Variants in SELENOI observed in about 807,000 individuals in gnomAD.
SELENOI encodes the protein selenoprotein I.
A neutral mutation model predicts 50.7 loss-of-function variants in SELENOI; 24 were observed. The observed-to-expected ratio is 0.47, with a 90% CI of 0.34 to 0.67. The LOEUF (loss-of-function observed/expected upper bound fraction) is 0.67, where lower values mean the gene tolerates loss of function less well. Ranked by LOEUF, SELENOI falls within the 30% of genes least tolerant of loss-of-function variation. SELENOI has a pLI of 0.01. For missense variants in SELENOI, 352 were observed against 461.4 expected, an observed-to-expected ratio of 0.76 and a Z score of 2.17; for synonymous variants, 155 against 170.2, an observed-to-expected ratio of 0.91 and a Z score of 0.70.
At chr2:26,365,424 C>T (rs915328596) in intron 3 of SELENOI, among the ~76,000 whole-genome samples, 5 of 152,222 alleles carry the variant, frequency 3.3e-5, no homozygotes, top group Admixed American at 2.6e-4. Flanking sequence ...AGCCAGTGGT[C>T]AGCCTGCTCC....
chr2:26,355,787 C>G (rs1376065757), intron 1 of SELENOI, among the ~76,000 whole-genome samples: 2 of 151,192 alleles, frequency 1.3e-5, no homozygotes, highest in Non-Finnish European at 2.9e-5. Context: ...GTTGCTTAGG[C>G]TGGAGTGCAG....
intron 1 of SELENOI, among the ~76,000 whole-genome samples, chr2:26,354,824 C>T (rs1677033719): frequency 6.6e-6 from 1 of 152,144 alleles, no homozygotes; most frequent in African/African-American, 2.4e-5. Flanking sequence ...TTTACTCTTT[C>T]CCTGGTTTAA....
Position 26,367,195 on chromosome 2 carries a change from C to T in SELENOI, c.285C>T (p.Ile95=), listed in dbSNP as rs748596576. 2 of 1,610,594 alleles carry T rather than the reference C, an allele frequency of 1.2e-6. No individual in the cohort carries two copies. The highest frequency in any genetic ancestry group is 3.4e-5 in the Admixed American group (2 of 59,546). ...VPDWVWIVVG[I]LNFVAYTLDG... ...ACTGGGTTTGGATTGTAGTGGGCAT[C>T]CTCAACTTCGTAGCCTACACTCTAG... Residue 95 remains isoleucine, a synonymous_variant, in exon 4 of 10, where the codon ATC becomes ATT. Coordinates refer to ENST00000260585, the MANE Select transcript of SELENOI (RefSeq NM_033505.4).
At chr2:26,363,140 A>G (rs1282143596) in intron 1 of SELENOI, among the ~76,000 whole-genome samples, 1 of 152,226 alleles carries the variant, frequency 6.6e-6, no homozygotes, top group African/African-American at 2.4e-5. Context: ...CCTGCTATAC[A>G]GGGATCTGTC....
chr2:26,387,328 C>G (rs759351339), intron 9 of SELENOI, among the ~76,000 whole-genome samples: 4 of 152,160 alleles, frequency 2.6e-5, no homozygotes, highest in Middle Eastern at 3.4e-3. Flanking sequence ...AAGGAGATTA[C>G]TTAATAATGA....
chr2:26,370,276 C>T (rs2147953022), intron 4 of SELENOI, among the ~76,000 whole-genome samples: 1 of 151,926 alleles, frequency 6.6e-6, no homozygotes, highest in Non-Finnish European at 1.5e-5. Context: ...ACAGACACGG[C>T]AACCATCCGA....
chr2:26,346,456 G>C, intron 1 of SELENOI, 167 bp downstream of exon 1: 1 of 824,056 alleles, frequency 1.2e-6, no homozygotes, highest in Non-Finnish European at 1.8e-6. Context: ...GTCGGGGAGC[G>C]TGGGAGCATC....
intron 1 of SELENOI, among the ~76,000 whole-genome samples, chr2:26,356,114 G>GGTTAA (rs1445940258): frequency 6.6e-6 from 1 of 152,030 alleles, no homozygotes; most frequent in East Asian, 1.9e-4. Flanking sequence ...TCTGTCCTAG[G>GGTTAA]GTTAATTATC....
intron 9 of SELENOI, among the ~76,000 whole-genome samples, chr2:26,387,536 C>CAA (rs79942498): frequency 1.4e-4 from 21 of 146,764 alleles, no homozygotes; most frequent in East Asian, 1.2e-3. Flanking sequence ...ACAAAAAATA[C>CAA]AAAAAAAAAA....
intron 4 of SELENOI, among the ~76,000 whole-genome samples, chr2:26,370,748 C>CT (rs1312809717): frequency 2.1e-5 from 3 of 139,720 alleles, no homozygotes; most frequent in Admixed American, 7.0e-5. Flanking sequence ...GGGCTGACCC[C>CT]CCCACCTCCC....
intron 1 of SELENOI, among the ~76,000 whole-genome samples, chr2:26,361,269 A>G (rs761613164): frequency 6.6e-6 from 1 of 152,218 alleles, no homozygotes; most frequent in Non-Finnish European, 1.5e-5. Flanking sequence ...GCCATTTTAT[A>G]TAAGGGAGTT....
At chr2:26,352,795 A>T (rs1240737612) in intron 1 of SELENOI, among the ~76,000 whole-genome samples, 4 of 151,998 alleles carry the variant, frequency 2.6e-5, no homozygotes, top group Admixed American at 6.6e-5. Context: ...ATAATAATAA[A>T]AAAAATTAGT....
intron 5 of SELENOI, 34 bp downstream of exon 5, chr2:26,373,663 T>C: frequency 6.3e-7 from 1 of 1,589,958 alleles, no homozygotes; most frequent in Non-Finnish European, 8.6e-7. Context: ...TTTTCAGTAT[T>C]ACCATGATAC....
chr2:26,346,462 G>A (rs907465381), intron 1 of SELENOI, 173 bp downstream of exon 1: 2 of 756,500 alleles, frequency 2.6e-6, no homozygotes, highest in Non-Finnish European at 4.0e-6. Context: ...GAGCGTGGGA[G>A]CATCCTAAGC....
intron 4 of SELENOI, among the ~76,000 whole-genome samples, chr2:26,372,313 GT>G (rs1677474762): frequency 6.6e-6 from 1 of 152,184 alleles, no homozygotes; most frequent in Admixed American, 6.5e-5. Context: ...GTTTGGCCAT[GT>G]TGGCCAGGCT....
chr2:26,364,437 G>C, intron 2 of SELENOI, 67 bp downstream of exon 2: 1 of 1,066,884 alleles, frequency 9.4e-7, no homozygotes. Flanking sequence ...CTATTTTATG[G>C]AGTATTATAA....
intron 6 of SELENOI, among the ~76,000 whole-genome samples, chr2:26,377,794 C>G (rs1677599078): frequency 6.6e-6 from 1 of 152,096 alleles, no homozygotes; most frequent in Non-Finnish European, 1.5e-5. Context: ...TCTACTGAGT[C>G]CAACATCTGG....
intron 1 of SELENOI, among the ~76,000 whole-genome samples, chr2:26,353,432 A>G (rs1216252045): frequency 6.6e-6 from 1 of 152,156 alleles, no homozygotes; most frequent in African/African-American, 2.4e-5. Flanking sequence ...GAAATTCTTG[A>G]TATTTTGATT....
At chr2:26,371,081 C>A in intron 4 of SELENOI, among the ~76,000 whole-genome samples, 1 of 145,238 alleles carries the variant, frequency 6.9e-6, no homozygotes, top group African/African-American at 2.6e-5. Flanking sequence ...ACCTCCCGGA[C>A]GGGGCGGCTG....
Sources: gnomAD v4.1 joint callset for allele counts (sites outside exome capture counted in the v4.1 genomes callset) on GRCh38, gnomAD v4.1.1 for gene constraint, MANE v1.5 for transcripts, NCBI Gene and HGNC (gene_info 2026-07-23, HGNC 2026-07-21) for gene names.